The following LRRC28 variants were observed in gnomAD, a reference collection of about 807,000 sequenced individuals.
LRRC28 encodes leucine-rich repeat-containing protein 28.
LRRC28 carries 39 observed loss-of-function variants against 45.7 expected under a neutral mutation model. The ratio of observed to expected loss-of-function variants is 0.85; its 90% CI spans 0.66 to 1.12. LRRC28 has a LOEUF of 1.12. LRRC28 is among the 50% of genes most tolerant of loss of function. The pLI is 0.00. For synonymous variants in LRRC28, 206 were observed against 178.8 expected, an observed-to-expected ratio of 1.15 and a Z score of -1.22; for missense variants, 435 against 438.5, an observed-to-expected ratio of 0.99 and a Z score of 0.07.
chr15:99,274,988 TA>T (rs1347722429), intron 2 of LRRC28, among the ~76,000 whole-genome samples: 1 of 151,646 alleles, frequency 6.6e-6, no homozygotes, highest in Admixed American at 6.6e-5. Context: ...GTTTACCCTA[TA>T]GTAGCTTGAA....
At chr15:99,285,419 C>A (rs181434289) in intron 3 of LRRC28, 3 of 758,664 alleles carry the variant, frequency 4.0e-6, no homozygotes, top group African/African-American at 1.7e-5. Context: ...AAGCCCCTGG[C>A]GTGCTTGGTG....
chr15:99,257,967 G>A, intron 2 of LRRC28: 1 of 804,946 alleles, frequency 1.2e-6, no homozygotes, highest in Non-Finnish European at 2.2e-6. Flanking sequence ...GTTAAGATAA[G>A]GCTGATATCA....
At chr15:99,332,511 A>G (rs190035443) in intron 5 of LRRC28, among the ~76,000 whole-genome samples, 3 of 152,358 alleles carry the variant, frequency 2.0e-5, no homozygotes, top group Admixed American at 6.5e-5. Flanking sequence ...CAAAAAGTCT[A>G]TAGCAAAGAT....
intron 2 of LRRC28, chr15:99,257,645 G>T: frequency 4.2e-6 from 3 of 719,190 alleles, no homozygotes; most frequent in South Asian, 4.1e-5. Flanking sequence ...GGCCCTGTGG[G>T]TGCTGGGGCC....
intron 1 of LRRC28, chr15:99,251,812 G>A (rs1051670612): frequency 6.6e-6 from 1 of 152,276 alleles, no homozygotes; most frequent in Non-Finnish European, 1.5e-5. Context: ...CGATCTCAGT[G>A]GCTGGCTAAC....
intron 5 of LRRC28, among the ~76,000 whole-genome samples, chr15:99,290,585 T>C (rs1178014876): frequency 2.0e-5 from 3 of 152,142 alleles, no homozygotes; most frequent in South Asian, 2.1e-4. Context: ...ACATAAGATA[T>C]ACAACCAAAA....
intron 6 of LRRC28, among the ~76,000 whole-genome samples, chr15:99,342,001 C>T (rs970318195): frequency 6.6e-6 from 1 of 152,182 alleles, no homozygotes; most frequent in South Asian, 2.1e-4. Flanking sequence ...AGACATTTTG[C>T]TCTTCATACA....
intron 6 of LRRC28, among the ~76,000 whole-genome samples, chr15:99,335,320 G>T (rs899466740): frequency 3.3e-5 from 5 of 152,116 alleles, no homozygotes; most frequent in Non-Finnish European, 5.9e-5. Context: ...GAACCTCTCT[G>T]AGCTTCATAA....
At chr15:99,316,845 G>C (rs1955612910) in intron 5 of LRRC28, among the ~76,000 whole-genome samples, 1 of 152,078 alleles carries the variant, frequency 6.6e-6, no homozygotes, top group African/African-American at 2.4e-5. Context: ...TTGTTTGTTA[G>C]TTTTTTAAAG....
At chr15:99,334,977 T>G (rs949842573) in intron 6 of LRRC28, among the ~76,000 whole-genome samples, 1 of 152,118 alleles carries the variant, frequency 6.6e-6, no homozygotes, top group African/African-American at 2.4e-5. Context: ...CAAGGTAACT[T>G]TAAAATAATG....
At chr15:99,254,199 C>T (rs1437626357) in intron 1 of LRRC28, among the ~76,000 whole-genome samples, 1 of 152,208 alleles carries the variant, frequency 6.6e-6, no homozygotes, top group Non-Finnish European at 1.5e-5. Flanking sequence ...GAAAAATTAT[C>T]TTGCACAAAG....
chr15:99,383,323 A>C (rs1005875656), intron 9 of LRRC28, among the ~76,000 whole-genome samples: 1 of 152,196 alleles, frequency 6.6e-6, no homozygotes, highest in South Asian at 2.1e-4. Context: ...ACGTGCCAGC[A>C]CTGCGTTGTT....
chr15:99,263,312 C>A (rs2081250089), intron 2 of LRRC28, among the ~76,000 whole-genome samples: 2 of 132,384 alleles, frequency 1.5e-5, no homozygotes, highest in East Asian at 2.1e-4. Context: ...AAGTGAGACC[C>A]TGTCTCAAAA....
intron 5 of LRRC28, among the ~76,000 whole-genome samples, chr15:99,288,164 A>G (rs1466783035): frequency 6.6e-6 from 1 of 152,210 alleles, no homozygotes; most frequent in Non-Finnish European, 1.5e-5. Flanking sequence ...AGATATAGCT[A>G]CAATTACTAC....
At chr15:99,293,454 G>A (rs1379920226) in intron 5 of LRRC28, among the ~76,000 whole-genome samples, 6 of 151,598 alleles carry the variant, frequency 4.0e-5, no homozygotes, top group South Asian at 2.1e-4. Flanking sequence ...TTAGCCAGGC[G>A]TGGTGGCGCA....
At chr15:99,332,607 C>G (rs755166618) in intron 5 of LRRC28, among the ~76,000 whole-genome samples, 6 of 152,062 alleles carry the variant, frequency 3.9e-5, no homozygotes, top group Non-Finnish European at 8.8e-5. Context: ...TGTTCTTTGT[C>G]TTTATTGTTG....
At chr15:99,305,530 A>T (rs567788240) in intron 5 of LRRC28, among the ~76,000 whole-genome samples, 11 of 152,312 alleles carry the variant, frequency 7.2e-5, no homozygotes, top group Non-Finnish European at 1.5e-4. Context: ...TTTATAAGAA[A>T]AAAGTATTTC....
chr15:99,284,039 C>T (rs1054294604), intron 3 of LRRC28, among the ~76,000 whole-genome samples: 2 of 152,234 alleles, frequency 1.3e-5, no homozygotes, highest in African/African-American at 2.4e-5. Context: ...GTCCCTGCAA[C>T]ATCACAGATT....
chr15:99,280,458 A>T (rs1487731348), intron 3 of LRRC28, among the ~76,000 whole-genome samples: 2 of 91,962 alleles, frequency 2.2e-5, no homozygotes, highest in Admixed American at 1.5e-4. Context: ...CTATATTTTT[A>T]AAATTTTTTT....
Sources: allele counts gnomAD v4.1 joint callset (sites outside exome capture counted in the v4.1 genomes callset), GRCh38; gene constraint gnomAD v4.1.1; transcripts MANE v1.5; gene names NCBI Gene and HGNC (gene_info 2026-07-23, HGNC 2026-07-21).